Variants in MDGA2 observed in about 807,000 individuals in gnomAD.
MDGA2 encodes MAM domain-containing glycosylphosphatidylinositol anchor protein 2.
MDGA2 carries 40 observed loss-of-function variants against 117.8 expected under a neutral mutation model. That is an observed-to-expected ratio of 0.34 (90% confidence interval 0.26 to 0.44). MDGA2 has a LOEUF of 0.44. Ranked by LOEUF, MDGA2 falls within the 20% of genes least tolerant of loss-of-function variation. The pLI, the probability that MDGA2 is intolerant of heterozygous loss-of-function variation, is 1.00. For synonymous variants in MDGA2, 452 were observed against 439.0 expected (o/e 1.03, Z -0.37); for missense variants, 1,123 against 1,250.6 (o/e 0.90, Z 1.54).
At chr14:47,392,109 C>T (rs1378976051) in intron 1 of MDGA2, among the ~76,000 whole-genome samples, 1 of 151,774 alleles carries the variant, frequency 6.6e-6, no homozygotes, top group African/African-American at 2.4e-5. Context: ...TCCTGAAGAG[C>T]GCATCAAATG....
At chr14:47,079,967 G>A (rs890299365) in intron 6 of MDGA2, among the ~76,000 whole-genome samples, 19 of 151,938 alleles carry the variant, frequency 1.3e-4, no homozygotes, top group South Asian at 6.2e-4. Flanking sequence ...TCCTGACCTC[G>A]TGATCCGCCC....
At chr14:47,480,959 A>C (rs1329627246) in intron 1 of MDGA2, among the ~76,000 whole-genome samples, 1 of 151,964 alleles carries the variant, frequency 6.6e-6, no homozygotes, top group Admixed American at 6.6e-5. Context: ...GGTAATCTTC[A>C]TCTTGTACGA....
intron 1 of MDGA2, among the ~76,000 whole-genome samples, chr14:47,639,198 TATAG>T (rs1391869610): frequency 6.6e-6 from 1 of 152,176 alleles, no homozygotes; most frequent in African/African-American, 2.4e-5. Flanking sequence ...TGTGTATAGA[TATAG>T]ATATAAATTT....
At chr14:46,856,034 C>G (rs375056818) in intron 14 of MDGA2, among the ~76,000 whole-genome samples, 1 of 151,904 alleles carries the variant, frequency 6.6e-6, no homozygotes, top group Non-Finnish European at 1.5e-5. Context: ...AAATATATAT[C>G]AAACACTTAC....
At chr14:46,948,236 T>C (rs1434022799) in intron 9 of MDGA2, among the ~76,000 whole-genome samples, 1 of 152,066 alleles carries the variant, frequency 6.6e-6, no homozygotes, top group Non-Finnish European at 1.5e-5. Flanking sequence ...TAATGTGGAA[T>C]AGATTATTCC....
intron 9 of MDGA2, among the ~76,000 whole-genome samples, chr14:46,952,270 A>C (rs998714974): frequency 1.3e-5 from 2 of 151,996 alleles, no homozygotes; most frequent in Non-Finnish European, 2.9e-5. Context: ...ATTATTGGGA[A>C]GTCTCCTCAA....
At chr14:47,039,287 T>C (rs1014780800) in intron 7 of MDGA2, among the ~76,000 whole-genome samples, 1 of 152,234 alleles carries the variant, frequency 6.6e-6, no homozygotes, top group African/African-American at 2.4e-5. Context: ...ACTTGGTTAA[T>C]AGTTAATTTC....
At chr14:47,065,963 A>G (rs1429829380) in intron 6 of MDGA2, among the ~76,000 whole-genome samples, 1 of 152,222 alleles carries the variant, frequency 6.6e-6, no homozygotes, top group South Asian at 2.1e-4. Context: ...TAGTGCAATC[A>G]GATAAATAAA....
chr14:47,175,538 A>G (rs942355451), intron 3 of MDGA2, among the ~76,000 whole-genome samples: 1 of 151,694 alleles, frequency 6.6e-6, no homozygotes, highest in African/African-American at 2.4e-5. Flanking sequence ...AACAGAACCA[A>G]AGACAAAAAC....
intron 3 of MDGA2, among the ~76,000 whole-genome samples, chr14:47,196,018 CTAGT>C (rs1398127974): frequency 6.6e-6 from 1 of 151,980 alleles, no homozygotes; most frequent in Non-Finnish European, 1.5e-5. Context: ...ATATATATCA[CTAGT>C]TAAATAGTAA....
chr14:47,625,283 T>C (rs986320326), intron 1 of MDGA2, among the ~76,000 whole-genome samples: 7 of 151,772 alleles, frequency 4.6e-5, no homozygotes, highest in Admixed American at 1.3e-4. Flanking sequence ...AGGACACAGA[T>C]GATCCTAAAC....
At chr14:47,460,933 A>G (rs1002390883) in intron 1 of MDGA2, among the ~76,000 whole-genome samples, 3 of 152,178 alleles carry the variant, frequency 2.0e-5, no homozygotes, top group African/African-American at 7.2e-5. Flanking sequence ...AAACCTTTAA[A>G]TAAGAAAGGT....
At position 47,147,648 on chromosome 14, in the gene MDGA2, G is replaced by A. The variant is rs1037531111; in HGVS notation, c.596-3374C>T. On this transcript the variant is annotated intron_variant, in intron 3 of 16. Coordinates refer to ENST00000399232, the MANE Select transcript of MDGA2 (RefSeq NM_001113498.3). ...ATCATCTGTTAATACTCTCAGCAGC[G>A]GGAGGAATGAGTGCTTCAGTTCTGG... Among the ~76,000 whole-genome samples, 29 of 152,258 alleles carry A rather than the reference G, an allele frequency of 1.9e-4. No individual in the cohort carries two copies. The East Asian group carries it at 2.1e-3, about 11-fold the overall frequency.
intron 1 of MDGA2, among the ~76,000 whole-genome samples, chr14:47,638,198 G>A (rs79703658): frequency 0.023 from 3,430 of 152,186 alleles, 59 homozygotes; most frequent in Non-Finnish European, 0.034. Context: ...GCAGATATAC[G>A]AATGTTTACA....
chr14:47,049,121 T>A (rs1043642983), intron 7 of MDGA2, among the ~76,000 whole-genome samples: 1 of 152,098 alleles, frequency 6.6e-6, no homozygotes, highest in Admixed American at 6.6e-5. Flanking sequence ...TAGAAAGCCA[T>A]GGTAAAAGTG....
chr14:47,645,263 T>C (rs902814993), intron 1 of MDGA2, among the ~76,000 whole-genome samples: 2 of 151,996 alleles, frequency 1.3e-5, no homozygotes, highest in South Asian at 4.1e-4. Flanking sequence ...TTTTTTTTTT[T>C]AGAGGGAGTC....
intron 3 of MDGA2, among the ~76,000 whole-genome samples, chr14:47,186,616 T>C (rs1367580955): frequency 1.3e-5 from 2 of 151,936 alleles, no homozygotes; most frequent in East Asian, 3.8e-4. Flanking sequence ...CTGGAGTGTT[T>C]AGGAAATTGT....
intron 1 of MDGA2, among the ~76,000 whole-genome samples, chr14:47,418,924 A>G (rs1892525573): frequency 1.3e-5 from 2 of 152,194 alleles, no homozygotes; most frequent in African/African-American, 4.8e-5. Flanking sequence ...AATTCTGGTG[A>G]CAAAAAGTGG....
chr14:47,666,725 TG>T (rs1385493833), intron 1 of MDGA2, among the ~76,000 whole-genome samples: 1 of 152,170 alleles, frequency 6.6e-6, no homozygotes, highest in Non-Finnish European at 1.5e-5. Context: ...CCTTCCACAC[TG>T]TGGAAGCTTT....
Sources: gnomAD v4.1 joint callset for allele counts (sites outside exome capture counted in the v4.1 genomes callset) on GRCh38, gnomAD v4.1.1 for gene constraint, MANE v1.5 for transcripts, NCBI Gene and HGNC (gene_info 2026-07-23, HGNC 2026-07-21) for gene names.